Variants in ACTR3C observed in about 807,000 individuals in gnomAD.
The protein encoded by ACTR3C is actin-related protein 3C.
In ACTR3C, 18 loss-of-function variants were observed where a neutral mutation model predicts 26.3. The ratio of observed to expected loss-of-function variants is 0.68; its 90% CI spans 0.47 to 1.01. ACTR3C has a LOEUF of 1.01. Among genes scored for constraint, ACTR3C ranks in the 50% least tolerant of loss-of-function variants. ACTR3C has a pLI of 0.00. For missense variants in ACTR3C, 184 were observed against 250.7 expected (o/e 0.73, Z 1.80); for synonymous variants, 55 against 94.5 (o/e 0.58, Z 2.42).
At chr7:149,914,180 A>T in the ACTR3C span, among the ~76,000 whole-genome samples, 83 of 151,398 alleles carry the variant, frequency 5.5e-4, no homozygotes, top group African/African-American at 1.9e-3. Context: ...TGAGCCACCG[A>T]GCCCAGCTAC....
intron 6 of ACTR3C, among the ~76,000 whole-genome samples, chr7:150,284,412 G>A (rs542413291): frequency 2.0e-5 from 3 of 152,154 alleles, no homozygotes; most frequent in Admixed American, 1.3e-4. Context: ...TGGGCGTGGC[G>A]GCGTGCACCT....
At chr7:150,054,535 A>G in the ACTR3C span, among the ~76,000 whole-genome samples, 3 of 152,244 alleles carry the variant, frequency 2.0e-5, no homozygotes, top group African/African-American at 4.8e-5. Context: ...ACACACTTGG[A>G]GAAGACCTCA....
At chr7:150,199,468 C>T in the ACTR3C span, among the ~76,000 whole-genome samples, 1 of 100,468 alleles carries the variant, frequency 1.0e-5, no homozygotes, top group Admixed American at 1.1e-4. Context: ...ACAAACACTG[C>T]GGAAGGCCGC....
At chr7:150,064,669 C>T in the ACTR3C span, among the ~76,000 whole-genome samples, 2 of 151,944 alleles carry the variant, frequency 1.3e-5, no homozygotes, top group East Asian at 1.9e-4. Context: ...CACACACACA[C>T]ACACACACAC....
the ACTR3C span, among the ~76,000 whole-genome samples, chr7:150,189,770 C>T: frequency 1.0e-4 from 12 of 118,096 alleles, no homozygotes; most frequent in Non-Finnish European, 1.2e-4. Flanking sequence ...CTCAATTGTA[C>T]GGATATACCA....
At chr7:149,975,023 G>A in the ACTR3C span, among the ~76,000 whole-genome samples, 12 of 152,116 alleles carry the variant, frequency 7.9e-5, no homozygotes, top group South Asian at 2.1e-4. Context: ...ATGCTCTGGC[G>A]GGAACACCTA....
At chr7:150,038,970 C>T in the ACTR3C span, among the ~76,000 whole-genome samples, 1 of 95,702 alleles carries the variant, frequency 1.0e-5, no homozygotes, top group African/African-American at 3.7e-5. Flanking sequence ...GTGGGTGCCT[C>T]CCCCTCCTGC....
the ACTR3C span, among the ~76,000 whole-genome samples, chr7:150,167,477 C>T: frequency 2.0e-5 from 3 of 150,796 alleles, no homozygotes; most frequent in Non-Finnish European, 2.9e-5. Flanking sequence ...TAGAATGCGA[C>T]AGTTAATTCA....
chr7:150,148,346 A>G, the ACTR3C span, among the ~76,000 whole-genome samples: 2 of 152,002 alleles, frequency 1.3e-5, no homozygotes, highest in Non-Finnish European at 2.9e-5. Context: ...GCGTGGTGGC[A>G]TGCACCTGTA....
intron 1 of ACTR3C, among the ~76,000 whole-genome samples, chr7:150,320,047 T>C (rs1227376195): frequency 2.0e-5 from 3 of 152,224 alleles, no homozygotes; most frequent in Admixed American, 2.0e-4. Flanking sequence ...AACTCCTTGT[T>C]TTAGAGTGTT....
At chr7:150,139,109 G>C in the ACTR3C span, among the ~76,000 whole-genome samples, 1 of 152,376 alleles carries the variant, frequency 6.6e-6, no homozygotes, top group South Asian at 2.1e-4. Flanking sequence ...CAATGTGCTT[G>C]AATCATCCTG....
chr7:150,183,719 A>G, the ACTR3C span, among the ~76,000 whole-genome samples: 1 of 145,588 alleles, frequency 6.9e-6, no homozygotes, highest in Non-Finnish European at 1.5e-5. Context: ...AAAAAAAAAA[A>G]GCTTATCTGT....
chr7:149,980,129 C>G, the ACTR3C span, among the ~76,000 whole-genome samples: 2 of 151,904 alleles, frequency 1.3e-5, no homozygotes, highest in African/African-American at 4.8e-5. Flanking sequence ...AAAAACTAAG[C>G]AAAGAAGAAT....
At chr7:150,037,335 G>GC in the ACTR3C span, among the ~76,000 whole-genome samples, 9 of 62,150 alleles carry the variant, frequency 1.4e-4, 2 homozygotes, top group African/African-American at 4.0e-4. Flanking sequence ...CTAAGCCGGG[G>GC]GGGGAAGAGG....
chr7:150,153,911 A>G, the ACTR3C span, among the ~76,000 whole-genome samples: 6 of 146,926 alleles, frequency 4.1e-5, no homozygotes, highest in Non-Finnish European at 7.5e-5. Context: ...TGATGAGTTC[A>G]TGTCCTTTGT....
chr7:150,045,930 TTAAC>T, the ACTR3C span, among the ~76,000 whole-genome samples: 1 of 152,156 alleles, frequency 6.6e-6, no homozygotes, highest in African/African-American at 2.4e-5. Flanking sequence ...GCATTGCAGC[TTAAC>T]TGTCTTCCCC....
the ACTR3C span, among the ~76,000 whole-genome samples, chr7:150,174,339 C>A: frequency 4.3e-5 from 6 of 138,072 alleles, 1 homozygote; most frequent in Admixed American, 4.1e-4. Context: ...AGCAGAAACC[C>A]CTGATAAACC....
At chr7:149,971,251 C>T in the ACTR3C span, among the ~76,000 whole-genome samples, 26 of 152,290 alleles carry the variant, frequency 1.7e-4, no homozygotes, top group South Asian at 1.2e-3. Context: ...GCCATCACAC[C>T]GAATGTGCAC....
At chr7:149,995,097 C>T in the ACTR3C span, among the ~76,000 whole-genome samples, 15 of 152,242 alleles carry the variant, frequency 9.9e-5, no homozygotes, top group South Asian at 1.7e-3. Context: ...TCAGGTGATC[C>T]GCCCGCCTCA....
Sources: allele counts gnomAD v4.1 joint callset (sites outside exome capture counted in the v4.1 genomes callset), GRCh38; gene constraint gnomAD v4.1.1; transcripts MANE v1.5; gene names NCBI Gene and HGNC (gene_info 2026-07-23, HGNC 2026-07-21).